EXTL3: variants seen among roughly 807,000 people sequenced by gnomAD.
EXTL3 encodes exostosin like glycosyltransferase 3.
In EXTL3, 27 loss-of-function variants were observed where a neutral mutation model predicts 69.3. That is an observed-to-expected ratio of 0.39 (90% CI 0.29 to 0.54). EXTL3 has a LOEUF of 0.54. Among genes scored for constraint, EXTL3 ranks in the 20% least tolerant of loss-of-function variants. The pLI, the probability that EXTL3 is intolerant of heterozygous loss-of-function variation, is 0.69. For missense variants in EXTL3, 1,003 were observed against 1,231.8 expected (o/e 0.81, Z 2.78); for synonymous variants, 511 against 499.4 (o/e 1.02, Z -0.31).
intron 1 of EXTL3, among the ~76,000 whole-genome samples, chr8:28,663,296 G>A (rs1807144998): frequency 6.6e-6 from 1 of 152,112 alleles, no homozygotes; most frequent in African/African-American, 2.4e-5. Flanking sequence ...AAGTAGAAAA[G>A]GGCTACTGGG....
chr8:28,669,169 G>C (rs768199873), intron 1 of EXTL3, among the ~76,000 whole-genome samples: 1 of 152,140 alleles, frequency 6.6e-6, no homozygotes, highest in Non-Finnish European at 1.5e-5. Flanking sequence ...TGGCCTGATA[G>C]AAGCAAATCT....
At chr8:28,637,700 G>A (rs141276986) in intron 1 of EXTL3, among the ~76,000 whole-genome samples, 1 of 151,588 alleles carries the variant, frequency 6.6e-6, no homozygotes, top group African/African-American at 2.4e-5. Context: ...CCTTCTCTAG[G>A]ATCTCTCTTA....
intron 1 of EXTL3, among the ~76,000 whole-genome samples, chr8:28,650,315 A>G (rs977291682): frequency 2.0e-5 from 3 of 151,226 alleles, no homozygotes; most frequent in African/African-American, 7.3e-5. Context: ...TTTTCTTTTT[A>G]ATATGGATAA....
At chr8:28,719,382 A>T (rs1801244741) in intron 3 of EXTL3, among the ~76,000 whole-genome samples, 3 of 152,236 alleles carry the variant, frequency 2.0e-5, no homozygotes, top group Admixed American at 2.0e-4. Flanking sequence ...GATGGAAGCC[A>T]GTATGTTTGT....
At chr8:28,704,401 C>CT (rs924775382) in intron 1 of EXTL3, among the ~76,000 whole-genome samples, 1 of 152,236 alleles carries the variant, frequency 6.6e-6, no homozygotes, top group Non-Finnish European at 1.5e-5. Flanking sequence ...TCCAGTGAAA[C>CT]TTTATCTACA....
At position 28,680,052 on chromosome 8, in the gene EXTL3, C is replaced by G. The variant is rs190556547; in HGVS notation, c.-52-33405C>G. 4.2e-5 allele frequency among the ~76,000 whole-genome samples: 6 copies of G among 143,670 alleles called. No individual in the cohort carries two copies. The East Asian group carries it at 1.0e-3, about 24-fold the overall frequency. The allele number at this position is 143,670 out of a possible 152,430, so 94.3% of individuals were successfully genotyped here. A position where few individuals can be genotyped will look rare whatever the true frequency, so the allele number is the denominator to read the frequency against. On this transcript the variant is annotated intron_variant, in intron 1 of 6. Transcript: ENST00000523149. ...AGCAAGCTAGAATTTAATATTTGTG[C>G]TTTTTTTTTTTCCGGTGTAAGACAA...
chr8:28,716,583 G>C lies in EXTL3; in HGVS notation c.524G>C (p.Arg175Pro). Reference protein sequence around the residue: ...DAGLPPPKATRGCRLHNCFDY... With the variant: ...DAGLPPPKATPGCRLHNCFDY... ...GGCCTCCCTCCCCCGAAGGCCACTC[G>C]GGGCTGCCGGCTACACAACTGCTTT... The change falls in exon 3 of 7, where the codon CGG becomes CCG. Residue 175 changes from arginine to proline, a missense_variant. By Grantham distance (103) the Arg-to-Pro change is moderately radical. Transcript: ENST00000220562. The surrounding 1 kb of genome is among the most constrained non-coding windows in gnomAD (Gnocchi z 7.1). 6.2e-7 allele frequency: 1 copy of C among 1,614,146 alleles called. No individual in the cohort carries two copies. Among genetic ancestry groups the C allele is most frequent in the South Asian group, 1.1e-5 (1 of 91,082 alleles).
At chr8:28,622,320 C>A (rs556200481), upstream of EXTL3, among the ~76,000 whole-genome samples, 2 of 152,384 alleles carry the variant, frequency 1.3e-5, no homozygotes, top group South Asian at 2.1e-4. Flanking sequence ...GCCCTCTGCG[C>A]TAGGCGCCCG....
chr8:28,692,902 C>T (rs909321783), intron 1 of EXTL3, among the ~76,000 whole-genome samples: 1 of 152,180 alleles, frequency 6.6e-6, no homozygotes, highest in African/African-American at 2.4e-5. Context: ...CTGGGTATAG[C>T]TCTCCCTGCA....
At chr8:28,616,397 G>A (rs972068237) in intron 2 of EXTL3, among the ~76,000 whole-genome samples, 5 of 152,178 alleles carry the variant, frequency 3.3e-5, no homozygotes, top group African/African-American at 4.8e-5. Flanking sequence ...AGGCTGAGGC[G>A]GGTGGATCAT....
rs578031275 is a variant in EXTL3, at chr8:28,636,419, C to T, written c.-53+13609C>T. Reference sequence around the variant, plus strand: ...TCACATGAGCTCTTATCACCCTCAACGGAATCTTGTCACAGGACAAGGAAG... The same window carrying T: ...TCACATGAGCTCTTATCACCCTCAATGGAATCTTGTCACAGGACAAGGAAG... On this transcript the variant is annotated intron_variant, in intron 1 of 6. Transcript: ENST00000523149. Among the ~76,000 whole-genome samples the T allele has an allele frequency of 9.2e-5, 14 of 151,976 alleles. No individual in the cohort carries two copies. The South Asian group carries it at 1.2e-3, about 14-fold the overall frequency.
At chr8:28,615,140 G>A (rs555880177) in intron 2 of EXTL3, among the ~76,000 whole-genome samples, 18 of 152,122 alleles carry the variant, frequency 1.2e-4, no homozygotes, top group South Asian at 1.0e-3. Flanking sequence ...TTTCTTTTAC[G>A]TTTCTTAAGA....
At chr8:28,732,938 C>G (rs1458510219) in intron 4 of EXTL3, among the ~76,000 whole-genome samples, 2 of 152,114 alleles carry the variant, frequency 1.3e-5, no homozygotes, top group Non-Finnish European at 2.9e-5. Context: ...CACCATGTTG[C>G]CCAGGCTGAT....
chr8:28,695,531 T>C (rs968266681), intron 1 of EXTL3, among the ~76,000 whole-genome samples: 2 of 152,234 alleles, frequency 1.3e-5, no homozygotes, highest in African/African-American at 4.8e-5. Flanking sequence ...GGTTTGTTTG[T>C]TTCCCTCTCT....
intron 1 of EXTL3, among the ~76,000 whole-genome samples, chr8:28,689,422 G>A (rs1800577519): frequency 6.6e-6 from 1 of 152,034 alleles, no homozygotes; most frequent in African/African-American, 2.4e-5. Context: ...CAGTCCCCAT[G>A]TTTTTGGATT....
At chr8:28,614,352 C>T (rs1403394067) in intron 2 of EXTL3, among the ~76,000 whole-genome samples, 6 of 147,308 alleles carry the variant, frequency 4.1e-5, no homozygotes, top group South Asian at 4.3e-4. Context: ...CAACTCACTG[C>T]AACCACTGCC....
intron 2 of EXTL3, among the ~76,000 whole-genome samples, chr8:28,611,271 T>G (rs1468068506): frequency 6.6e-6 from 1 of 152,130 alleles, no homozygotes; most frequent in African/African-American, 2.4e-5. Context: ...GGCAATATAG[T>G]GAGACCTCAT....
At chr8:28,748,368 C>CAAAA (rs34255549) in intron 6 of EXTL3, among the ~76,000 whole-genome samples, 1 of 128,288 alleles carries the variant, frequency 7.8e-6, no homozygotes. Context: ...GAGACTGTCT[C>CAAAA]AAAAAAAAAA....
At chr8:28,632,023 G>A (rs1189231299) in intron 1 of EXTL3, among the ~76,000 whole-genome samples, 1 of 152,032 alleles carries the variant, frequency 6.6e-6, no homozygotes, top group Non-Finnish European at 1.5e-5. Flanking sequence ...GGGAGGCGGA[G>A]GTTGCAGTGA....
Sources: gnomAD v4.1 joint callset for allele counts (sites outside exome capture counted in the v4.1 genomes callset) on GRCh38, gnomAD v4.1.1 for gene constraint, Gnocchi (gnomAD v3.1) non-coding constraint, MANE v1.5 for transcripts, NCBI Gene and HGNC (gene_info 2026-07-23, HGNC 2026-07-21) for gene names.